Variants in KLRC2 observed in about 807,000 individuals in gnomAD.
KLRC2 encodes the protein killer cell lectin like receptor C2.
Under a neutral mutation model 25.5 loss-of-function variants are expected in KLRC2, and 10 were observed. The ratio of observed to expected loss-of-function variants is 0.39; its 90% confidence interval spans 0.24 to 0.67. The LOEUF (loss-of-function observed/expected upper bound fraction) is 0.67, where lower values mean the gene tolerates loss of function less well. Ranked by LOEUF, KLRC2 falls within the 30% of genes least tolerant of loss-of-function variation. KLRC2 has a pLI of 0.45. For missense variants in KLRC2, 170 were observed against 272.8 expected, an observed-to-expected ratio of 0.62 and a Z score of 2.65; for synonymous variants, 48 against 93.3, an observed-to-expected ratio of 0.51 and a Z score of 2.80.
rs1304940879 is a variant in KLRC2 at position 10,435,861 on chromosome 12, T to C, written c.126A>G (p.Glu42=). ...SGTEQEIFQV[E]LNLQNPSLNH... is the part of the protein sequence containing the mutation. ...TCAGGGAAGGATTTTGAAGATTTAA[T>C]TCTACTTGGAATATTTCCTGTTCGG... The change falls in exon 1 of 6, where the codon GAA becomes GAG. Residue 42 remains glutamate (E), a synonymous_variant. Coordinates refer to ENST00000381902, the MANE Select transcript of KLRC2 (RefSeq NM_002260.4). 4 of 1,569,740 alleles carry C rather than the reference T, an allele frequency of 2.5e-6. No individual in the cohort carries two copies. Among genetic ancestry groups the C allele is most frequent in the East Asian group, 4.7e-5 (2 of 42,700 alleles).
chr12:10,435,611 G>A (rs1344066568), intron 1 of KLRC2, among the ~76,000 whole-genome samples, 189 bp downstream of exon 1: 4 of 141,862 alleles, frequency 2.8e-5, no homozygotes, highest in Non-Finnish European at 6.2e-5. Context: ...TGTTCCATGA[G>A]TGGACCGCAG....
At chr12:10,433,700 A>C in intron 4 of KLRC2, 91 bp downstream of exon 4, 1 of 1,268,080 alleles carries the variant, frequency 7.9e-7, no homozygotes, top group East Asian at 2.5e-5. Context: ...ATATGAGATA[A>C]ATATATGTAC....
intron 5 of KLRC2, among the ~76,000 whole-genome samples, chr12:10,431,885 C>A (rs1863820420): frequency 1.4e-5 from 2 of 139,956 alleles, no homozygotes; most frequent in South Asian, 4.4e-4. Context: ...AAAGATGGGA[C>A]ACCCCTGGTC....
rs762205127 is a variant in KLRC2, at chr12:10,431,146, T to C, written c.667A>G (p.Met223Val). ...AGCTTATGCTTACAATGATATATCATTGAAGATCCACACTGGGCTGATTTA... is the reference window on the plus strand; with the variant it reads ...AGCTTATGCTTACAATGATATATCACTGAAGATCCACACTGGGCTGATTTA... The part of the protein sequence containing the change: ...RLKSAQCGSS[M>V]IYHCKHKL Residue 223 changes from methionine to valine, a missense_variant, in exon 6 of 6, where the codon ATG becomes GTG. Met to Val is a conservative substitution (Grantham distance 21). Transcript: ENST00000381902. The C allele has an allele frequency of 8.4e-6, 13 of 1,543,324 alleles. No homozygotes were observed. Among genetic ancestry groups the C allele is most frequent in the South Asian group, 2.3e-5 (2 of 88,836 alleles).
chr12:10,431,078 A>C lies in KLRC2; in HGVS notation c.*39T>G, dbSNP rs34849619. 57 of 1,316,832 alleles carry C rather than the reference A, an allele frequency of 4.3e-5. 3 individuals carry two copies. In the South Asian group the frequency reaches 6.3e-4, roughly 15 times the overall value. 81.6% of individuals were successfully genotyped at this position (1,316,832 alleles called of 1,614,324 possible). On this transcript the variant is annotated 3_prime_UTR_variant, in exon 6 of 6. Transcript: ENST00000381902. ...TAATATTTCTATTTTAAGAAATATAAAATGTATCTGATGCACTGCAAACGC... is the reference window on the plus strand; with the variant it reads ...TAATATTTCTATTTTAAGAAATATACAATGTATCTGATGCACTGCAAACGC...
chr12:10,431,880 T>C (rs1863820267), intron 5 of KLRC2, among the ~76,000 whole-genome samples: 1 of 140,198 alleles, frequency 7.1e-6, no homozygotes, highest in African/African-American at 2.7e-5. Flanking sequence ...AAGCCAAAGA[T>C]GGGACACCCC....
chr12:10,434,071 T>A (rs1863843645), intron 3 of KLRC2, 129 bp from the exon 4 acceptor site: 1 of 1,340,614 alleles, frequency 7.5e-7, no homozygotes, highest in Admixed American at 2.2e-5. Flanking sequence ...CTTATAAATG[T>A]ATATTTTTAA....
chr12:10,435,695 C>CTCCG, intron 1 of KLRC2, 105 bp downstream of exon 1: 1 of 1,272,838 alleles, frequency 7.9e-7, no homozygotes. Context: ...CAATTATGAA[C>CTCCG]TCCGATTCTC....
intron 4 of KLRC2, among the ~76,000 whole-genome samples, chr12:10,433,101 T>C (rs1267544339): frequency 7.1e-6 from 1 of 141,200 alleles, no homozygotes; most frequent in Non-Finnish European, 1.5e-5. Context: ...AGGGACCCCA[T>C]GACTAACAGT....
chr12:10,433,651 A>G, intron 4 of KLRC2, 140 bp downstream of exon 4: 1 of 992,574 alleles, frequency 1.0e-6, no homozygotes. Context: ...TAAAAACATT[A>G]TTAAGTCAAT....
chr12:10,431,096 G>T lies in KLRC2; in HGVS notation c.*21C>A. ...AAATATAAAATGTATCTGATGCACT[G>T]CAAACGCAAATGCTTTACTTCTAAA... On this transcript the variant is annotated 3_prime_UTR_variant, in exon 6 of 6. Transcript: ENST00000381902. 7.1e-7 allele frequency: 1 copy of T among 1,413,548 alleles called. No individual in the cohort carries two copies. The highest frequency in any genetic ancestry group is 9.8e-7 in the Non-Finnish European group (1 of 1,018,668). The allele number at this position is 1,413,548 out of a possible 1,614,324, so 87.6% of individuals were successfully genotyped here. A position where few individuals can be genotyped will look rare whatever the true frequency, so the allele number is the denominator to read the frequency against.
intron 1 of KLRC2, 56 bp downstream of exon 1, chr12:10,435,744 T>C: frequency 6.7e-7 from 1 of 1,491,086 alleles, no homozygotes; most frequent in South Asian, 1.2e-5. Flanking sequence ...CTCACCCTTC[T>C]GCATTCAACT....
In KLRC2 at chr12:10,431,665, T is replaced by C. The variant is rs574774504; in HGVS notation, c.585-437A>G. Among the ~76,000 whole-genome samples, 42 of 142,432 alleles carry C rather than the reference T, an allele frequency of 2.9e-4. 11 individuals are homozygous for C. Among genetic ancestry groups the C allele is most frequent in the African/African-American group, 1.1e-3 (42 of 37,392 alleles). The allele number at this position is 142,432 out of a possible 152,430, so 93.4% of individuals were successfully genotyped here. A position where few individuals can be genotyped will look rare whatever the true frequency, so the allele number is the denominator to read the frequency against. On this transcript the variant is annotated intron_variant, in intron 5 of 5. Transcript: ENST00000381902. Reference sequence around the variant, plus strand: ...AATAAAAACAAGCACTGCAGTTCCCTGATAGTCCAGCTCGAGGTTGTCCAA... The same window carrying C: ...AATAAAAACAAGCACTGCAGTTCCCCGATAGTCCAGCTCGAGGTTGTCCAA...
rs1279514273 is a variant in KLRC2 at position 10,431,663 on chromosome 12, C to T, written c.585-435G>A. Among the ~76,000 whole-genome samples the T allele has an allele frequency of 2.1e-5, 3 of 142,284 alleles. 1 individual carries two copies. Among genetic ancestry groups the T allele is most frequent in the African/African-American group, 8.0e-5 (3 of 37,282 alleles). The allele number at this position is 142,284 out of a possible 152,430, so 93.3% of individuals were successfully genotyped here. A position where few individuals can be genotyped will look rare whatever the true frequency, so the allele number is the denominator to read the frequency against. On this transcript the variant is annotated intron_variant, in intron 5 of 5. Transcript: ENST00000381902. ...TTAATAAAAACAAGCACTGCAGTTC[C>T]CTGATAGTCCAGCTCGAGGTTGTCC...
intron 3 of KLRC2, 108 bp from the exon 4 acceptor site, chr12:10,434,050 A>T: frequency 1.4e-6 from 2 of 1,411,028 alleles, no homozygotes. Flanking sequence ...ATATTTACGC[A>T]TCCTTACAGG....
chr12:10,431,963 A>C (rs1297986757), intron 5 of KLRC2, 143 bp downstream of exon 5: 1 of 769,562 alleles, frequency 1.3e-6, no homozygotes, highest in Non-Finnish European at 1.9e-6. Flanking sequence ...ACTATGGTCT[A>C]TTGTAAAATA....
chr12:10,431,242 A>T lies in KLRC2; in HGVS notation c.585-14T>A. The T allele has an allele frequency of 2.0e-6, 3 of 1,527,018 alleles. No individual in the cohort carries two copies. Among genetic ancestry groups the T allele is most frequent in the Non-Finnish European group, 2.7e-6 (3 of 1,115,834 alleles). The allele number at this position is 1,527,018 out of a possible 1,614,324, so 94.6% of individuals were successfully genotyped here. A position where few individuals can be genotyped will look rare whatever the true frequency, so the allele number is the denominator to read the frequency against. ...GAGTCTTTTATCCTGTAATGGAGAA[A>T]AATCCATTTTCTGTTACATTTTAAG... On this transcript the variant is annotated splice_polypyrimidine_tract_variant and intron_variant, in intron 5 of 5. Transcript: ENST00000381902.
At chr12:10,432,781 C>A (rs1863829298) in intron 4 of KLRC2, among the ~76,000 whole-genome samples, 1 of 134,624 alleles carries the variant, frequency 7.4e-6, no homozygotes, top group African/African-American at 2.8e-5. Context: ...ATGGAGAACT[C>A]TGAAAGGTGG....
rs1266021012 is a variant in KLRC2, at chr12:10,434,197, T to C, written c.332-255A>G. 6.1e-6 allele frequency: 4 copies of C among 655,698 alleles called. No homozygotes were observed. In the East Asian group the frequency reaches 1.4e-4, roughly 24 times the overall value. The allele number at this position is 655,698 out of a possible 1,614,324, so 40.6% of individuals were successfully genotyped here. ...ATACACTCTACACATGTGTTGAACA[T>C]CGCTGATACACAACTGCTTTTTTAG... On this transcript the variant is annotated intron_variant, in intron 3 of 5. Transcript: ENST00000381902.
Sources: gnomAD v4.1 joint callset for allele counts (sites outside exome capture counted in the v4.1 genomes callset) on GRCh38, gnomAD v4.1.1 for gene constraint, MANE v1.5 for transcripts, NCBI Gene and HGNC (gene_info 2026-07-23, HGNC 2026-07-21) for gene names.